Variants in MFSD11 observed in about 807,000 individuals in gnomAD.
The protein encoded by MFSD11 is major facilitator superfamily domain containing 11.
Under a neutral mutation model 53.5 loss-of-function variants are expected in MFSD11, and 36 were observed. The ratio of observed to expected loss-of-function variants is 0.67; its 90% confidence interval spans 0.52 to 0.89. The LOEUF is 0.89. Among genes scored for constraint, MFSD11 ranks in the 40% least tolerant of loss-of-function variants. MFSD11 has a pLI of 0.00. For synonymous variants in MFSD11, 186 were observed against 184.9 expected, an observed-to-expected ratio of 1.01 and a Z score of -0.05; for missense variants, 530 against 543.9, an observed-to-expected ratio of 0.97 and a Z score of 0.25.
At chr17:76,759,282 T>G (rs2079956280) in intron 8 of MFSD11, among the ~76,000 whole-genome samples, 1 of 151,280 alleles carries the variant, frequency 6.6e-6, no homozygotes, top group Non-Finnish European at 1.5e-5. Flanking sequence ...AAAATATATT[T>G]CTTTTTCTTT....
chr17:76,801,363 T>G, the MFSD11 span, among the ~76,000 whole-genome samples: 3 of 18,258 alleles, frequency 1.6e-4, no homozygotes, highest in South Asian at 9.3e-3. Flanking sequence ...AGGCTCTGTC[T>G]CAAAAAAAAA....
upstream of MFSD11, chr17:76,737,331 T>A: frequency 5.8e-6 from 5 of 866,332 alleles, no homozygotes; most frequent in Non-Finnish European, 8.4e-6. Context: ...GAGTAACAAC[T>A]GGGCGGGCAG....
intron 8 of MFSD11, among the ~76,000 whole-genome samples, chr17:76,758,409 T>C (rs1283981773): frequency 6.6e-6 from 1 of 151,832 alleles, no homozygotes; most frequent in African/African-American, 2.4e-5. Flanking sequence ...ATGATGCACC[T>C]CTCTCTCTAC....
rs912240963 is a variant in MFSD11, at chr17:76,779,251, T to C, written c.*899T>C. 8 of 97,708 alleles carry C rather than the reference T, an allele frequency of 8.2e-5. No individual in the cohort carries two copies. In the Admixed American group the frequency reaches 9.0e-4, roughly 11 times the overall value. 6.1% of individuals were successfully genotyped at this position (97,708 alleles called of 1,614,324 possible). ...CCTGGATGACAAGAGTGAAACTCCA[T>C]CTCAAAAAAAAAAAAAAAAAAAAGA... On this transcript the variant is annotated 3_prime_UTR_variant, in exon 13 of 13. Transcript: ENST00000685175.
Position 76,766,682 on chromosome 17 carries a change from G to A in MFSD11, c.683-704G>A, listed in dbSNP as rs529731652. On this transcript the variant is annotated intron_variant, in intron 8 of 12. Coordinates refer to ENST00000685175, the MANE Select transcript of MFSD11 (RefSeq NM_001242532.5). ...AGTGTTTGTGACTTAGGTAAGTTTCGTGGCCAGCAGATATATCACAATTAA... is the reference window on the plus strand; with the variant it reads ...AGTGTTTGTGACTTAGGTAAGTTTCATGGCCAGCAGATATATCACAATTAA... 1.1e-4 allele frequency among the ~76,000 whole-genome samples: 17 copies of A among 152,212 alleles called. No homozygotes were observed. In the East Asian group the frequency reaches 1.5e-3, roughly 14 times the overall value.
chr17:76,738,183 C>T lies in MFSD11; in HGVS notation c.-170C>T. On this transcript the variant is annotated 5_prime_UTR_variant, in exon 1 of 13. Transcript: ENST00000685175. The stretch of plus-strand genomic sequence containing the variant: ...AACTGCCGGTGGGGAGAACTTCGCC[C>T]TAAACCTGGGGTTCCGATCCAGGAA... 1.6e-6 allele frequency: 1 copy of T among 610,868 alleles called. No homozygotes were observed. The highest frequency in any genetic ancestry group is 1.8e-5 in the African/African-American group (1 of 54,096). 37.8% of individuals were successfully genotyped at this position (610,868 alleles called of 1,614,324 possible). A position where few individuals can be genotyped will look rare whatever the true frequency, so the allele number is the denominator to read the frequency against.
chr17:76,784,711 C>T (rs1323666315), downstream of MFSD11, among the ~76,000 whole-genome samples: 1 of 151,972 alleles, frequency 6.6e-6, no homozygotes, highest in African/African-American at 2.4e-5. Flanking sequence ...CCTGGCTGGC[C>T]AACATGGTAT....
intron 3 of MFSD11, among the ~76,000 whole-genome samples, chr17:76,741,629 TA>T (rs1327141082): frequency 1.3e-5 from 2 of 150,932 alleles, no homozygotes; most frequent in African/African-American, 4.9e-5. Flanking sequence ...CTACCAAAAA[TA>T]AAAAAAAATT....
chr17:76,786,495 G>A, the MFSD11 span, among the ~76,000 whole-genome samples: 1 of 152,162 alleles, frequency 6.6e-6, no homozygotes, highest in Non-Finnish European at 1.5e-5. Context: ...CTCAGCACGT[G>A]TTGAACTCAA....
At chr17:76,773,753 G>A (rs552960099) in intron 10 of MFSD11, among the ~76,000 whole-genome samples, 31 of 150,768 alleles carry the variant, frequency 2.1e-4, no homozygotes, top group Non-Finnish European at 4.0e-4. Flanking sequence ...GACTACAGGC[G>A]CACGCCACCA....
chr17:76,784,139 G>A (rs1268635789), downstream of MFSD11, among the ~76,000 whole-genome samples: 1 of 152,132 alleles, frequency 6.6e-6, no homozygotes, highest in East Asian at 1.9e-4. Context: ...ACATAAAAGA[G>A]TTAAAAGCAG....
At chr17:76,756,459 G>A (rs1036548259) in intron 8 of MFSD11, among the ~76,000 whole-genome samples, 1 of 152,150 alleles carries the variant, frequency 6.6e-6, no homozygotes, top group African/African-American at 2.4e-5. Flanking sequence ...TGAGCCACAC[G>A]TGATAATTAA....
At chr17:76,746,759 T>C (rs371789755) in intron 7 of MFSD11, among the ~76,000 whole-genome samples, 2 of 152,178 alleles carry the variant, frequency 1.3e-5, no homozygotes, top group Admixed American at 6.5e-5. Flanking sequence ...GACCTACTGC[T>C]CAGAAGAAAA....
Position 76,778,081 on chromosome 17 carries a change from G to A in MFSD11, c.1186-107G>A, listed in dbSNP as rs540543159. 5 of 1,048,002 alleles carry A rather than the reference G, an allele frequency of 4.8e-6. No homozygotes were observed. The African/African-American group carries it at 4.8e-5, about 10-fold the overall frequency. 64.9% of individuals were successfully genotyped at this position (1,048,002 alleles called of 1,614,324 possible). A position where few individuals can be genotyped will look rare whatever the true frequency, so the allele number is the denominator to read the frequency against. On this transcript the variant is annotated intron_variant, in intron 12 of 12. Transcript: ENST00000685175. ...TGATGCAGAAAGAATAGAAAGCACTGTGAGTTCCAGGTGTCCTTGGGGCAG... is the reference window on the plus strand; with the variant it reads ...TGATGCAGAAAGAATAGAAAGCACTATGAGTTCCAGGTGTCCTTGGGGCAG...
chr17:76,740,674 A>T (rs572710199), intron 2 of MFSD11, among the ~76,000 whole-genome samples: 2 of 152,254 alleles, frequency 1.3e-5, no homozygotes, highest in Non-Finnish European at 2.9e-5. Flanking sequence ...GAAAATCTGT[A>T]TAAGGTACTT....
chr17:76,739,163 C>T (rs925136408), intron 2 of MFSD11, among the ~76,000 whole-genome samples, 170 bp downstream of exon 2: 11 of 152,156 alleles, frequency 7.2e-5, no homozygotes, highest in Non-Finnish European at 1.3e-4. Context: ...GTTTAGGTTT[C>T]CTGTGGAATT....
chr17:76,737,104 G>A (rs778139770), upstream of MFSD11: 1 of 1,610,572 alleles, frequency 6.2e-7, no homozygotes. Context: ...AGGTCAGGTT[G>A]TCCACCTTGA....
chr17:76,792,574 G>C, the MFSD11 span, among the ~76,000 whole-genome samples: 1 of 151,176 alleles, frequency 6.6e-6, no homozygotes, highest in African/African-American at 2.5e-5. Flanking sequence ...CAAGATGGCA[G>C]AGCAGGTAAG....
In MFSD11 at chr17:76,738,336, G is replaced by C. The variant is rs1253584111; in HGVS notation, c.-17G>C. ...CTGACTGCCCTGGGCTGCTGCCTCC[G>C]GCAGAGCTGAGCCAAAATGTCCCCG... On this transcript the variant is annotated 5_prime_UTR_variant, in exon 1 of 13. Coordinates refer to ENST00000685175, the MANE Select transcript of MFSD11 (RefSeq NM_001242532.5). The C allele has an allele frequency of 3.7e-6, 6 of 1,601,292 alleles. No homozygotes were observed. The South Asian group carries it at 5.5e-5, about 15-fold the overall frequency.
Sources: allele counts gnomAD v4.1 joint callset (sites outside exome capture counted in the v4.1 genomes callset), GRCh38; gene constraint gnomAD v4.1.1; transcripts MANE v1.5; gene names NCBI Gene and HGNC (gene_info 2026-07-23, HGNC 2026-07-21).